STAU2: variants seen among roughly 807,000 people sequenced by gnomAD.
STAU2 encodes staufen double-stranded RNA binding protein 2, also known as double-stranded RNA-binding protein Staufen homolog 2.
In STAU2, 20 loss-of-function variants were observed where a neutral mutation model predicts 65.9. That is an observed-to-expected ratio of 0.30 (90% CI 0.21 to 0.44). The LOEUF is 0.44. Ranked by LOEUF, STAU2 falls within the 20% of genes least tolerant of loss-of-function variation. The probability of loss-of-function intolerance (pLI) is 1.00; values close to 1 mark genes in which losing one functional copy is unlikely to be tolerated. For missense variants in STAU2, 558 were observed against 683.9 expected (o/e 0.82, Z 2.05); for synonymous variants, 232 against 233.9 (o/e 0.99, Z 0.07).
At chr8:73,551,853 T>C (rs1270750744) in intron 13 of STAU2, 159 bp downstream of exon 13, 6 of 1,309,720 alleles carry the variant, frequency 4.6e-6, no homozygotes, top group Non-Finnish European at 5.8e-6. Context: ...GGCATGTGCA[T>C]ATGGCTTTTT....
intron 6 of STAU2, chr8:73,651,377 A>C (rs10095732): frequency 0.073 from 49,150 of 671,898 alleles, 1,943 homozygotes; most frequent in Middle Eastern, 0.11. Flanking sequence ...GGAGTGGAAG[A>C]GGCTGGCCAG....
At chr8:73,468,729 G>C (rs1242221247) in intron 13 of STAU2, among the ~76,000 whole-genome samples, 4 of 152,180 alleles carry the variant, frequency 2.6e-5, no homozygotes, top group Admixed American at 2.0e-4. Context: ...GGCCATCAGA[G>C]AAATGCAAAT....
chr8:73,476,035 A>G (rs1047482408), intron 13 of STAU2, among the ~76,000 whole-genome samples: 4 of 152,242 alleles, frequency 2.6e-5, no homozygotes, highest in African/African-American at 9.6e-5. Flanking sequence ...GTTTTTAGAA[A>G]TTAGCTAACA....
chr8:73,678,629 AAT>A (rs2130448321), intron 5 of STAU2, among the ~76,000 whole-genome samples: 1 of 152,328 alleles, frequency 6.6e-6, no homozygotes, highest in South Asian at 2.1e-4. Flanking sequence ...TGAAAGGGAC[AAT>A]GTTTTATTTC....
chr8:73,442,909 G>A (rs1333357514), intron 13 of STAU2, among the ~76,000 whole-genome samples: 3 of 152,066 alleles, frequency 2.0e-5, no homozygotes, highest in East Asian at 1.9e-4. Context: ...AAGATATCAC[G>A]CTAAACTTCA....
At chr8:73,676,768 G>T (rs906493908) in intron 5 of STAU2, among the ~76,000 whole-genome samples, 2 of 152,058 alleles carry the variant, frequency 1.3e-5, no homozygotes, top group African/African-American at 4.8e-5. Flanking sequence ...GCTAATTTTT[G>T]TATTTTTAGT....
chr8:73,635,853 A>T (rs1814452771), intron 6 of STAU2, among the ~76,000 whole-genome samples: 1 of 151,678 alleles, frequency 6.6e-6, no homozygotes, highest in Admixed American at 6.6e-5. Context: ...CTGGAGAGAG[A>T]GGGAGCTTCA....
At chr8:73,689,750 A>G (rs557557171) in intron 4 of STAU2, among the ~76,000 whole-genome samples, 1 of 152,358 alleles carries the variant, frequency 6.6e-6, no homozygotes, top group Admixed American at 6.5e-5. Flanking sequence ...AAAAAAATAT[A>G]TATTATTGTA....
chr8:73,698,672 C>T (rs116187308), intron 4 of STAU2, among the ~76,000 whole-genome samples: 1,635 of 151,984 alleles, frequency 0.011, 26 homozygotes, highest in African/African-American at 0.037. Context: ...ATTATTAGAC[C>T]TAAAGAGAAA....
chr8:73,746,425 C>T (rs1177860885), intron 1 of STAU2, among the ~76,000 whole-genome samples: 1 of 151,796 alleles, frequency 6.6e-6, no homozygotes, highest in Non-Finnish European at 1.5e-5. Context: ...CCCGCGCCCG[C>T]AGCCGCGTTC....
intron 12 of STAU2, among the ~76,000 whole-genome samples, chr8:73,569,287 G>C (rs1003543437): frequency 2.0e-5 from 3 of 152,142 alleles, no homozygotes; most frequent in African/African-American, 7.2e-5. Flanking sequence ...GCTGAGGCTT[G>C]AGTAGGTAAA....
At chr8:73,568,289 T>C (rs1419655144) in intron 12 of STAU2, among the ~76,000 whole-genome samples, 1 of 152,230 alleles carries the variant, frequency 6.6e-6, no homozygotes, top group Admixed American at 6.5e-5. Context: ...TTAAACTGAC[T>C]CATGTTAAAA....
At chr8:73,733,711 C>CA (rs1245678839) in intron 3 of STAU2, among the ~76,000 whole-genome samples, 3 of 151,880 alleles carry the variant, frequency 2.0e-5, no homozygotes, top group Non-Finnish European at 2.9e-5. Flanking sequence ...CACGAAAGAA[C>CA]AAAAAATATT....
chr8:73,510,469 C>T (rs1822327698), intron 13 of STAU2, among the ~76,000 whole-genome samples: 1 of 152,144 alleles, frequency 6.6e-6, no homozygotes, highest in African/African-American at 2.4e-5. Context: ...TAACTATAAA[C>T]TATGTATTTT....
Position 73,578,420 on chromosome 8 carries a change from C to T in STAU2, c.1222+4350G>A, listed in dbSNP as rs981659971. Among the ~76,000 whole-genome samples, 8 of 152,130 alleles carry T rather than the reference C, an allele frequency of 5.3e-5. 1 individual carries two copies. Among genetic ancestry groups the T allele is most frequent in the African/African-American group, 1.9e-4 (8 of 41,440 alleles). On this transcript the variant is annotated intron_variant, in intron 12 of 14. Transcript: ENST00000524300. ...GTAGGCAAGAAAGGAGAATTCTTGT[C>T]AATGTAATTTTTTAAAGACTATAGC...
intron 13 of STAU2, chr8:73,551,272 T>C (rs1222331786): frequency 4.1e-6 from 4 of 987,200 alleles, no homozygotes; most frequent in African/African-American, 1.7e-5. Flanking sequence ...AAAGAATAAA[T>C]AGGGGAAAAA....
At chr8:73,527,711 T>C (rs915299329) in intron 13 of STAU2, 13 of 1,536,544 alleles carry the variant, frequency 8.5e-6, no homozygotes, top group Non-Finnish European at 9.6e-6. Flanking sequence ...CTGGCTTCAA[T>C]GGAGCTTCCA....
intron 6 of STAU2, among the ~76,000 whole-genome samples, chr8:73,642,699 G>A (rs28692571): frequency 0.083 from 12,617 of 151,998 alleles, 598 homozygotes; most frequent in Middle Eastern, 0.15. Flanking sequence ...GAAACTAGAC[G>A]GCATAGAGAA....
chr8:73,713,540 G>A (rs1821040787), intron 3 of STAU2, among the ~76,000 whole-genome samples: 1 of 152,136 alleles, frequency 6.6e-6, no homozygotes, highest in South Asian at 2.1e-4. Flanking sequence ...AAGAGGTGGT[G>A]ATTAGATAAG....
Sources: gnomAD v4.1 joint callset for allele counts (sites outside exome capture counted in the v4.1 genomes callset) on GRCh38, gnomAD v4.1.1 for gene constraint, MANE v1.5 for transcripts, NCBI Gene and HGNC (gene_info 2026-07-23, HGNC 2026-07-21) for gene names.